PTPN21: variants seen among roughly 807,000 people sequenced by gnomAD.
PTPN21 encodes the protein protein tyrosine phosphatase non-receptor type 21, also known as tyrosine-protein phosphatase non-receptor type 21.
A neutral mutation model predicts 131.8 loss-of-function variants in PTPN21; 77 were observed. That is an observed-to-expected ratio of 0.58 (90% CI 0.49 to 0.71). The LOEUF (loss-of-function observed/expected upper bound fraction) is 0.71. PTPN21 is among the 30% of genes least tolerant of loss of function. PTPN21 has a pLI of 0.00. For missense variants in PTPN21, 1,552 were observed against 1,527.1 expected (o/e 1.02, Z -0.27); for synonymous variants, 715 against 621.3 (o/e 1.15, Z -2.24).
At position 88,539,496 on chromosome 14, in the gene PTPN21, C is replaced by T. The variant is rs528418854; in HGVS notation, c.180+10742G>A. On this transcript the variant is annotated intron_variant, in intron 2 of 18. Transcript: ENST00000556564. The stretch of plus-strand genomic sequence containing the variant: ...TTCCCGACCTCAGGTGATCCGCCCA[C>T]CTTGGCCTCCCGAACTGCCGGGATT... 2.6e-5 allele frequency among the ~76,000 whole-genome samples: 4 copies of T among 152,266 alleles called. No individual in the cohort carries two copies. In the East Asian group the frequency reaches 7.7e-4, roughly 29 times the overall value.
chr14:88,513,501 T>C (rs142436304), intron 3 of PTPN21: 1 of 152,382 alleles, frequency 6.6e-6, no homozygotes, highest in East Asian at 1.9e-4. Flanking sequence ...ATTTCCAAGC[T>C]TTGTGCAGTG....
intron 2 of PTPN21, among the ~76,000 whole-genome samples, chr14:88,538,397 C>T (rs1243517497): frequency 6.6e-6 from 1 of 152,194 alleles, no homozygotes; most frequent in African/African-American, 2.4e-5. Context: ...CAGTCTGATA[C>T]TTCCAACTCT....
In PTPN21 at chr14:88,479,598, C is replaced by A; in HGVS notation, c.1833G>T (p.Leu611=). 1 of 1,587,558 alleles carries A rather than the reference C, an allele frequency of 6.3e-7. No individual in the cohort carries two copies. The highest frequency in any genetic ancestry group is 1.3e-5 in the African/African-American group (1 of 74,482). The change falls in exon 13 of 19, where the codon CTG becomes CTT. Residue 611 remains leucine (L), a synonymous_variant. Coordinates refer to ENST00000556564, the MANE Select transcript of PTPN21 (RefSeq NM_007039.4). ...HSVQTFQEDS[L]PVAHSLQEVS... ...CCTCCTGCAGCGAGTGCGCCACGGGCAGGCTGTCCTCCTGGAACGTTTGCA... is the reference window on the plus strand; with the variant it reads ...CCTCCTGCAGCGAGTGCGCCACGGGAAGGCTGTCCTCCTGGAACGTTTGCA...
intron 2 of PTPN21, among the ~76,000 whole-genome samples, chr14:88,521,405 G>A (rs1049539531): frequency 6.6e-6 from 1 of 151,654 alleles, no homozygotes; most frequent in South Asian, 2.1e-4. Context: ...TTAACAGCAG[G>A]TCATTTTTTT....
chr14:88,493,152 AG>A (rs1201755266), intron 10 of PTPN21: 1 of 449,956 alleles, frequency 2.2e-6, no homozygotes, highest in Non-Finnish European at 4.4e-6. Context: ...TGTGCCCAAC[AG>A]GGTTACTGTA....
chr14:88,481,747 G>A (rs570780730), intron 12 of PTPN21, among the ~76,000 whole-genome samples: 60 of 152,310 alleles, frequency 3.9e-4, no homozygotes, highest in South Asian at 1.7e-3. Flanking sequence ...GGCAGTTAAG[G>A]GGACTTGAGG....
chr14:88,474,444 AG>A (rs2077520567), intron 13 of PTPN21, among the ~76,000 whole-genome samples: 1 of 152,256 alleles, frequency 6.6e-6, no homozygotes, highest in South Asian at 2.1e-4. Flanking sequence ...GGCCTCCCAA[AG>A]TGCTTGAGAT....
intron 1 of PTPN21, among the ~76,000 whole-genome samples, chr14:88,552,963 G>A (rs886307210): frequency 2.6e-5 from 4 of 152,174 alleles, no homozygotes; most frequent in South Asian, 4.2e-4. Context: ...ACTGGAAACC[G>A]GGCGGATTAA....
chr14:88,540,866 T>C (rs894986340), intron 2 of PTPN21, among the ~76,000 whole-genome samples: 3 of 152,124 alleles, frequency 2.0e-5, no homozygotes, highest in African/African-American at 7.2e-5. Context: ...TCTCACTATG[T>C]TCCCCAGGCT....
At position 88,547,839 on chromosome 14, in the gene PTPN21, T is replaced by C. The variant is rs142766422; in HGVS notation, c.180+2399A>G. ...AGAGCCTCATACCATCTTCTGGCTTTAATGAACTCACTTAGGCTGATACTT... is the reference window on the plus strand; with the variant it reads ...AGAGCCTCATACCATCTTCTGGCTTCAATGAACTCACTTAGGCTGATACTT... On this transcript the variant is annotated intron_variant, in intron 2 of 18. Transcript: ENST00000556564. Among the ~76,000 whole-genome samples, 59 of 152,284 alleles carry C rather than the reference T, an allele frequency of 3.9e-4. 1 individual carries two copies. Among genetic ancestry groups the C allele is most frequent in the African/African-American group, 1.3e-3 (55 of 41,550 alleles).
At position 88,511,204 on chromosome 14, in the gene PTPN21, C is replaced by T. The variant is rs182374347; in HGVS notation, c.351-3184G>A. Among the ~76,000 whole-genome samples the T allele has an allele frequency of 5.4e-3, 824 of 152,146 alleles. 7 individuals are homozygous for T. The highest frequency in any genetic ancestry group is 0.019 in the African/African-American group (800 of 41,506). Reference sequence around the variant, plus strand: ...GTGCTGGGATTACAAGCATGAGCTACCACACCCAGCCATAAATACGTTTTT... The same window carrying T: ...GTGCTGGGATTACAAGCATGAGCTATCACACCCAGCCATAAATACGTTTTT... On this transcript the variant is annotated intron_variant, in intron 3 of 18. Transcript: ENST00000556564.
At chr14:88,554,245 G>A (rs2078897861) in intron 1 of PTPN21, among the ~76,000 whole-genome samples, 2 of 152,184 alleles carry the variant, frequency 1.3e-5, no homozygotes. Context: ...CTTGTTTCCA[G>A]AGTAAATACT....
In PTPN21 at chr14:88,472,446, C is replaced by T. The variant is rs762099870; in HGVS notation, c.2669G>A (p.Arg890Gln). 23 of 1,612,324 alleles carry T rather than the reference C, an allele frequency of 1.4e-5. No individual in the cohort carries two copies. Among genetic ancestry groups the T allele is most frequent in the East Asian group, 4.5e-5 (2 of 44,888 alleles). ...TGTGAATACCATTCCTTGTTCTAATCGTTGTTCCAGAATTTTACACTATAA... is the reference window on the plus strand; with the variant it reads ...TGTGAATACCATTCCTTGTTCTAATTGTTGTTCCAGAATTTTACACTATAA... ...NDERCKILEQ[R>Q]LEQGMVFTEY... Residue 890 changes from arginine (R) to glutamine (Q), a missense_variant, in exon 15 of 19, where the codon CGA becomes CAA. Physicochemically the swap from Arg to Gln is conservative, Grantham distance 43. Transcript: ENST00000556564.
At chr14:88,542,080 G>A (rs2078715310) in intron 2 of PTPN21, among the ~76,000 whole-genome samples, 1 of 152,204 alleles carries the variant, frequency 6.6e-6, no homozygotes. Context: ...TCGAGCAGAA[G>A]TCTGATATAA....
intron 10 of PTPN21, chr14:88,492,832 C>T: frequency 3.7e-6 from 1 of 267,016 alleles, no homozygotes; most frequent in Non-Finnish European, 7.4e-6. Flanking sequence ...CTGCCACACT[C>T]CGGCTCCCAT....
At chr14:88,540,048 T>C (rs2078684463) in intron 2 of PTPN21, among the ~76,000 whole-genome samples, 1 of 152,196 alleles carries the variant, frequency 6.6e-6, no homozygotes, top group Non-Finnish European at 1.5e-5. Context: ...AGAAAGGATG[T>C]TATGGTGAAT....
intron 13 of PTPN21, among the ~76,000 whole-genome samples, chr14:88,475,731 A>G (rs535390881): frequency 1.3e-5 from 2 of 152,218 alleles, no homozygotes; most frequent in African/African-American, 4.8e-5. Flanking sequence ...TGTCACATCA[A>G]TTGGCTCACA....
intron 15 of PTPN21, 36 bp from the exon 16 acceptor site, chr14:88,470,086 G>A: frequency 6.3e-7 from 1 of 1,599,484 alleles, no homozygotes; most frequent in Non-Finnish European, 8.6e-7. Flanking sequence ...TTGATGTGTG[G>A]GTATAATATA....
At chr14:88,545,705 G>A (rs928831511) in intron 2 of PTPN21, among the ~76,000 whole-genome samples, 1 of 152,210 alleles carries the variant, frequency 6.6e-6, no homozygotes, top group Non-Finnish European at 1.5e-5. Flanking sequence ...GCTCACGCCT[G>A]TAATCCCAGC....
Sources: allele counts gnomAD v4.1 joint callset (sites outside exome capture counted in the v4.1 genomes callset), GRCh38; gene constraint gnomAD v4.1.1; transcripts MANE v1.5; gene names NCBI Gene and HGNC (gene_info 2026-07-23, HGNC 2026-07-21).